Variants in ROBO1 observed in about 807,000 individuals in gnomAD.
ROBO1 encodes the protein roundabout homolog 1.
Under a neutral mutation model 195.9 loss-of-function variants are expected in ROBO1, and 149 were observed. That is an observed-to-expected ratio of 0.76 (90% CI 0.67 to 0.87). The LOEUF (loss-of-function observed/expected upper bound fraction) is 0.87, where lower values mean the gene tolerates loss of function less well. Among genes scored for constraint, ROBO1 ranks in the 40% least tolerant of loss-of-function variants. The pLI is 0.00. For synonymous variants in ROBO1, 816 were observed against 733.2 expected (o/e 1.11, Z -1.82); for missense variants, 1,933 against 2,068.3 (o/e 0.93, Z 1.27).
chr3:78,760,512 A>G (rs1238092294), intron 4 of ROBO1, among the ~76,000 whole-genome samples: 1 of 152,208 alleles, frequency 6.6e-6, no homozygotes, highest in Non-Finnish European at 1.5e-5. Flanking sequence ...CAGCTCTATT[A>G]TAATGGGAGC....
chr3:79,357,825 C>T (rs1053047042), intron 2 of ROBO1, among the ~76,000 whole-genome samples: 7 of 152,078 alleles, frequency 4.6e-5, no homozygotes, highest in African/African-American at 7.2e-5. Context: ...GAGGTATTTC[C>T]GTACATATAA....
At chr3:78,931,843 G>C (rs1457716522) in intron 4 of ROBO1, among the ~76,000 whole-genome samples, 1 of 151,788 alleles carries the variant, frequency 6.6e-6, no homozygotes, top group African/African-American at 2.4e-5. Flanking sequence ...CTGGTGTAGA[G>C]GCACACACTT....
At chr3:79,597,064 T>C (rs907491083) in intron 1 of ROBO1, among the ~76,000 whole-genome samples, 4 of 151,964 alleles carry the variant, frequency 2.6e-5, no homozygotes, top group African/African-American at 9.7e-5. Context: ...TGTCATACTG[T>C]TTCCAAAATC....
chr3:79,572,958 G>A (rs1367188428), intron 2 of ROBO1, among the ~76,000 whole-genome samples: 1 of 152,130 alleles, frequency 6.6e-6, no homozygotes, highest in Non-Finnish European at 1.5e-5. Context: ...GAATGGATTA[G>A]CATAGTGTGG....
At chr3:78,905,460 G>A (rs903979392) in intron 4 of ROBO1, among the ~76,000 whole-genome samples, 1 of 151,872 alleles carries the variant, frequency 6.6e-6, no homozygotes, top group African/African-American at 2.4e-5. Context: ...CAACATAGAG[G>A]GACCCTAAAT....
At chr3:78,724,108 G>GA (rs1448527929) in intron 5 of ROBO1, among the ~76,000 whole-genome samples, 1 of 152,072 alleles carries the variant, frequency 6.6e-6, no homozygotes. Context: ...TGGTAAAAGT[G>GA]AAAGAACAAA....
chr3:78,825,100 T>C (rs1258463474), intron 4 of ROBO1, among the ~76,000 whole-genome samples: 1 of 152,186 alleles, frequency 6.6e-6, no homozygotes, highest in Non-Finnish European at 1.5e-5. Flanking sequence ...TTCAAATACA[T>C]GCTGAGTGAA....
At chr3:79,534,998 CCA>C (rs1417643252) in intron 2 of ROBO1, among the ~76,000 whole-genome samples, 1 of 152,062 alleles carries the variant, frequency 6.6e-6, no homozygotes, top group African/African-American at 2.4e-5. Context: ...TCTGTGCTTT[CCA>C]TAGTTTAATG....
chr3:79,652,356 T>C (rs1320730346), intron 1 of ROBO1, among the ~76,000 whole-genome samples: 2 of 152,050 alleles, frequency 1.3e-5, no homozygotes, highest in African/African-American at 2.4e-5. Context: ...CTTTCTACTA[T>C]TTGCTAGAGG....
intron 2 of ROBO1, among the ~76,000 whole-genome samples, chr3:79,340,155 C>T (rs1325185044): frequency 2.6e-5 from 4 of 152,184 alleles, no homozygotes; most frequent in African/African-American, 9.7e-5. Context: ...AATCTGCTGG[C>T]CTTTCCCCAT....
chr3:79,059,526 G>C (rs1383313070), intron 3 of ROBO1, among the ~76,000 whole-genome samples: 1 of 152,062 alleles, frequency 6.6e-6, no homozygotes, highest in East Asian at 1.9e-4. Context: ...GTTGTGGGAA[G>C]TCAGGGACCC....
At chr3:79,330,261 ATGTATATATATG>A (rs2034381728) in intron 2 of ROBO1, among the ~76,000 whole-genome samples, 1 of 124,766 alleles carries the variant, frequency 8.0e-6, no homozygotes, top group South Asian at 2.2e-4. Flanking sequence ...AAAGTATAAT[ATGTATATATATG>A]TATATATATA....
chr3:78,952,557 T>C (rs1470817743), intron 3 of ROBO1, among the ~76,000 whole-genome samples: 1 of 151,872 alleles, frequency 6.6e-6, no homozygotes, highest in Non-Finnish European at 1.5e-5. Context: ...CAAGAAGACA[T>C]TTGTTAAAAA....
intron 2 of ROBO1, among the ~76,000 whole-genome samples, chr3:79,536,375 C>A (rs4611781): frequency 0.73 from 110,835 of 152,072 alleles, 41,518 homozygotes; most frequent in African/African-American, 0.92. Context: ...CATGCACTGT[C>A]GCCTTATGAA....
intron 4 of ROBO1, among the ~76,000 whole-genome samples, chr3:78,907,872 A>T (rs564946724): frequency 6.6e-6 from 1 of 152,074 alleles, no homozygotes; most frequent in African/African-American, 2.4e-5. Context: ...ATATGAAGAA[A>T]AATTTTTAAA....
At chr3:79,178,871 T>C (rs2081297658) in intron 2 of ROBO1, among the ~76,000 whole-genome samples, 1 of 152,204 alleles carries the variant, frequency 6.6e-6, no homozygotes, top group Non-Finnish European at 1.5e-5. Flanking sequence ...TCTAAGACTA[T>C]GGCATGCAGG....
intron 2 of ROBO1, among the ~76,000 whole-genome samples, chr3:79,303,159 G>GTTTTTTTTTTTTTTTT (rs368110549): frequency 2.8e-5 from 2 of 72,078 alleles, no homozygotes; most frequent in Non-Finnish European, 2.4e-5. Context: ...ATCTCACATA[G>GTTTTTTTTTTTTTTTT]GTTTTTTTTT....
In ROBO1 at chr3:78,718,396, G is replaced by A. The variant is rs562284773; in HGVS notation, c.658-513C>T. Among the ~76,000 whole-genome samples the A allele has an allele frequency of 2.9e-4, 44 of 152,184 alleles. No homozygotes were observed. The South Asian group carries it at 6.2e-3, about 22-fold the overall frequency. ...GCTTTAAAGAATGTATCTTCATTGC[G>A]AAAACATAGTAGAACCTGTTATTTC... On this transcript the variant is annotated intron_variant, in intron 5 of 30. Coordinates refer to ENST00000464233, the MANE Select transcript of ROBO1 (RefSeq NM_002941.4).
intron 2 of ROBO1, among the ~76,000 whole-genome samples, chr3:79,489,312 G>A (rs924667959): frequency 2.0e-5 from 3 of 152,052 alleles, no homozygotes; most frequent in African/African-American, 7.2e-5. Flanking sequence ...TCAAACACAT[G>A]TCTAAAATTA....
Sources: gnomAD v4.1 joint callset for allele counts (sites outside exome capture counted in the v4.1 genomes callset) on GRCh38, gnomAD v4.1.1 for gene constraint, MANE v1.5 for transcripts, NCBI Gene and HGNC (gene_info 2026-07-23, HGNC 2026-07-21) for gene names.